Variants in APBB1IP observed in about 807,000 individuals in gnomAD.
APBB1IP encodes amyloid beta precursor protein binding family B member 1 interacting protein, also known as amyloid beta A4 precursor protein-binding family B member 1-interacting protein.
A neutral mutation model predicts 64.9 loss-of-function variants in APBB1IP; 27 were observed. The observed-to-expected ratio is 0.42, with a 90% CI of 0.31 to 0.57. The LOEUF is 0.57. Ranked by LOEUF, APBB1IP falls within the 20% of genes least tolerant of loss-of-function variation. The pLI, the probability that APBB1IP is intolerant of heterozygous loss-of-function variation, is 0.20. For missense variants in APBB1IP, 812 were observed against 845.5 expected, an observed-to-expected ratio of 0.96 and a Z score of 0.49; for synonymous variants, 392 against 331.0, an observed-to-expected ratio of 1.18 and a Z score of -2.00.
Position 26,459,480 on chromosome 10 carries a change from A to G in APBB1IP, c.-1+20627A>G, listed in dbSNP as rs1030763217. On this transcript the variant is annotated intron_variant, in intron 2 of 14. Coordinates refer to ENST00000376236, the MANE Select transcript of APBB1IP (RefSeq NM_019043.4). ...TAATGGGATGGCTGGGTCAAATGGT[A>G]TTTCTAGTTCTAGATCCCTGAGGAA... is the stretch of plus-strand genomic sequence containing the variant. Among the ~76,000 whole-genome samples the G allele has an allele frequency of 2.0e-5, 3 of 152,150 alleles. No individual in the cohort carries two copies. In the South Asian group the frequency reaches 6.2e-4, roughly 31 times the overall value.
intron 2 of APBB1IP, among the ~76,000 whole-genome samples, chr10:26,470,587 A>G (rs1564353639): frequency 1.3e-5 from 2 of 152,146 alleles, no homozygotes; most frequent in Non-Finnish European, 2.9e-5. Flanking sequence ...TTGCCCAACT[A>G]TAGGCTAGTG....
chr10:26,545,725 A>G lies in APBB1IP; in HGVS notation c.1155+4033A>G, dbSNP rs1836754668. ...CAGTGAGCCGAGATCGCGCCACTGC[A>G]CTCCAGCCTGGGCGACAGAGCGAGA... On this transcript the variant is annotated intron_variant, in intron 11 of 14. Coordinates refer to ENST00000376236, the MANE Select transcript of APBB1IP (RefSeq NM_019043.4). Among the ~76,000 whole-genome samples, 4 of 150,532 alleles carry G rather than the reference A, an allele frequency of 2.7e-5. No homozygotes were observed. The South Asian group carries it at 8.4e-4, about 32-fold the overall frequency.
intron 8 of APBB1IP, among the ~76,000 whole-genome samples, chr10:26,529,191 T>C (rs1036677642): frequency 2.0e-5 from 3 of 152,236 alleles, no homozygotes; most frequent in African/African-American, 7.2e-5. Context: ...TTTACCCAGT[T>C]TCCATTTGCA....
At chr10:26,553,558 C>G (rs1157811140) in intron 11 of APBB1IP, among the ~76,000 whole-genome samples, 3 of 152,054 alleles carry the variant, frequency 2.0e-5, no homozygotes, top group African/African-American at 7.2e-5. Flanking sequence ...GGTGGCCGAT[C>G]GGGGTGGGAG....
At chr10:26,561,064 CTTTTTTTTTTT>C (rs764573338) in intron 13 of APBB1IP, among the ~76,000 whole-genome samples, 3 of 69,210 alleles carry the variant, frequency 4.3e-5, no homozygotes, top group Non-Finnish European at 7.6e-5. Flanking sequence ...TTCTTTCTTT[CTTTTTTTTTTT>C]TTTTTTTTTT....
At chr10:26,462,381 G>A (rs1835603436) in intron 2 of APBB1IP, among the ~76,000 whole-genome samples, 2 of 152,052 alleles carry the variant, frequency 1.3e-5, no homozygotes, top group African/African-American at 2.4e-5. Flanking sequence ...ATTGGTTTCT[G>A]GTAGATAACC....
intron 10 of APBB1IP, among the ~76,000 whole-genome samples, chr10:26,536,508 A>G (rs1836625151): frequency 6.6e-6 from 1 of 151,214 alleles, no homozygotes; most frequent in African/African-American, 2.4e-5. Flanking sequence ...ATGACTTTTT[A>G]CCCCTGTTGT....
chr10:26,471,834 G>GCA (rs1835720112), intron 2 of APBB1IP, among the ~76,000 whole-genome samples: 1 of 152,088 alleles, frequency 6.6e-6, no homozygotes, highest in African/African-American at 2.4e-5. Flanking sequence ...ACAGGCACGT[G>GCA]CCACCATGCC....
At chr10:26,494,686 G>A (rs541058160) in intron 3 of APBB1IP, among the ~76,000 whole-genome samples, 15 of 152,042 alleles carry the variant, frequency 9.9e-5, no homozygotes, top group South Asian at 2.1e-4. Context: ...TTAGCCGAGC[G>A]TGGTGGTGGG....
chr10:26,562,615 T>G (rs1457488538), intron 14 of APBB1IP, among the ~76,000 whole-genome samples, 186 bp downstream of exon 14: 2 of 151,948 alleles, frequency 1.3e-5, no homozygotes, highest in Non-Finnish European at 2.9e-5. Flanking sequence ...CTGGGCAATA[T>G]AGCGAGAGCT....
intron 2 of APBB1IP, 64 bp from the exon 3 acceptor site, chr10:26,492,263 C>A: frequency 6.9e-7 from 1 of 1,451,546 alleles, no homozygotes; most frequent in Non-Finnish European, 9.6e-7. Context: ...GAGAGGGATG[C>A]AAAGAGTATC....
intron 2 of APBB1IP, among the ~76,000 whole-genome samples, chr10:26,483,032 G>A (rs1287782246): frequency 2.0e-4 from 28 of 140,334 alleles, no homozygotes; most frequent in African/African-American, 7.1e-4. Context: ...GGAGGTTGCA[G>A]TGAGCCGAGA....
intron 8 of APBB1IP, among the ~76,000 whole-genome samples, chr10:26,518,448 A>G (rs893994638): frequency 6.6e-6 from 1 of 152,086 alleles, no homozygotes; most frequent in Non-Finnish European, 1.5e-5. Flanking sequence ...GGGTTTCACC[A>G]TGTTGGCCAG....
chr10:26,541,210 A>G (rs1177712046), intron 10 of APBB1IP, among the ~76,000 whole-genome samples: 3 of 152,246 alleles, frequency 2.0e-5, no homozygotes, highest in Non-Finnish European at 4.4e-5. Flanking sequence ...ATAATTGTAC[A>G]TATGCATAAC....
In APBB1IP at chr10:26,511,732, T is replaced by C. The variant is rs768121714; in HGVS notation, c.532-15T>C. On this transcript the variant is annotated splice_polypyrimidine_tract_variant and intron_variant, in intron 6 of 14. Transcript: ENST00000376236. ...TTGCTGAAATTTACTGGCTGCCCCA[T>C]GGTTCTATCCTCAGCTCGTCGTCAA... 19 of 1,611,786 alleles carry C rather than the reference T, an allele frequency of 1.2e-5. No individual in the cohort carries two copies. In the South Asian group the frequency reaches 2.0e-4, roughly 17 times the overall value.
chr10:26,553,586 C>T lies in APBB1IP; in HGVS notation c.1156-6519C>T, dbSNP rs143868635. On this transcript the variant is annotated intron_variant, in intron 11 of 14. Coordinates refer to ENST00000376236, the MANE Select transcript of APBB1IP (RefSeq NM_019043.4). Reference sequence around the variant, plus strand: ...GGTGGGAGAATCACTTGAGCCCAGGCGTTGGAAGTTGCAGGGAGCCATGAT... The same window carrying T: ...GGTGGGAGAATCACTTGAGCCCAGGTGTTGGAAGTTGCAGGGAGCCATGAT... 2.1e-4 allele frequency among the ~76,000 whole-genome samples: 32 copies of T among 152,208 alleles called. 1 individual carries two copies. Among genetic ancestry groups the T allele is most frequent in the Admixed American group, 1.8e-3 (27 of 15,296 alleles).
At chr10:26,507,594 G>A (rs927607513) in intron 6 of APBB1IP, among the ~76,000 whole-genome samples, 1 of 152,140 alleles carries the variant, frequency 6.6e-6, no homozygotes, top group Admixed American at 6.6e-5. Context: ...TCTCACACAT[G>A]GATAAACATG....
At chr10:26,458,488 A>G (rs1450732390) in intron 2 of APBB1IP, among the ~76,000 whole-genome samples, 1 of 152,190 alleles carries the variant, frequency 6.6e-6, no homozygotes, top group Non-Finnish European at 1.5e-5. Flanking sequence ...GGAAAGATCC[A>G]TGAACACCTG....
chr10:26,564,059 G>A lies in APBB1IP; in HGVS notation c.1473+1630G>A, dbSNP rs987936521. Among the ~76,000 whole-genome samples, 7 of 75,470 alleles carry A rather than the reference G, an allele frequency of 9.3e-5. 3 individuals are homozygous for A. In the Admixed American group the frequency reaches 1.0e-3, roughly 11 times the overall value. The allele number at this position is 75,470 out of a possible 152,430, so 49.5% of individuals were successfully genotyped here. A position where few individuals can be genotyped will look rare whatever the true frequency, so the allele number is the denominator to read the frequency against. ...AATAAAAAGAAAAAATACATCACCA[G>A]TTAAAGAGCTTATCATGTGAAGTAA... is the stretch of plus-strand genomic sequence containing the variant. On this transcript the variant is annotated intron_variant, in intron 14 of 14. Transcript: ENST00000376236.
Sources: allele counts gnomAD v4.1 joint callset (sites outside exome capture counted in the v4.1 genomes callset), GRCh38; gene constraint gnomAD v4.1.1; transcripts MANE v1.5; gene names NCBI Gene and HGNC (gene_info 2026-07-23, HGNC 2026-07-21).